Variants in CACNA1C observed in about 807,000 individuals in gnomAD.
CACNA1C encodes voltage-dependent L-type calcium channel subunit alpha-1C.
CACNA1C carries 30 observed loss-of-function variants against 229.0 expected under a neutral mutation model. That is an observed-to-expected ratio of 0.13 (90% confidence interval 0.10 to 0.18). The LOEUF (loss-of-function observed/expected upper bound fraction) is 0.18. Among genes scored for constraint, CACNA1C ranks in the 10% least tolerant of loss-of-function variants. The pLI, the probability that CACNA1C is intolerant of heterozygous loss-of-function variation, is 1.00. For synonymous variants in CACNA1C, 1,114 were observed against 1,132.5 expected (o/e 0.98, Z 0.33); for missense variants, 1,658 against 2,845.0 (o/e 0.58, Z 9.49).
chr12:2,313,754 G>C (rs1428225054), intron 3 of CACNA1C, among the ~76,000 whole-genome samples: 1 of 152,174 alleles, frequency 6.6e-6, no homozygotes, highest in Non-Finnish European at 1.5e-5. Flanking sequence ...GGTCTTTCTT[G>C]GTGAAGCAGC....
intron 3 of CACNA1C, among the ~76,000 whole-genome samples, chr12:2,302,386 G>T (rs1216090637): frequency 6.6e-6 from 1 of 151,868 alleles, no homozygotes; most frequent in Non-Finnish European, 1.5e-5. Flanking sequence ...CAAGTGCTGA[G>T]AATGCCAAGG....
Position 2,029,789 on chromosome 12 carries a change from G to A in CACNA1C, c.139+58588G>A, listed in dbSNP as rs756006561. On this transcript the variant is annotated intron_variant, in intron 1 of 46. Transcript: ENST00000682462. This position sits in a 1 kb window ranked among gnomAD's most constrained non-coding sequence, Gnocchi z 4.9. ...ATTATTTACAGAAAACTTGTTTCTGGTTTCTCGGGTCAGGAGACCAACAGC... is the reference window on the plus strand; with the variant it reads ...ATTATTTACAGAAAACTTGTTTCTGATTTCTCGGGTCAGGAGACCAACAGC... Among the ~76,000 whole-genome samples the A allele has an allele frequency of 6.6e-6, 1 of 152,170 alleles. No homozygotes were observed. The highest frequency in any genetic ancestry group is 1.5e-5 in the Non-Finnish European group (1 of 68,034).
intron 3 of CACNA1C, among the ~76,000 whole-genome samples, chr12:2,124,109 CGTGTGTGTGTGTGT>C (rs36202591): frequency 1.6e-3 from 238 of 145,616 alleles, no homozygotes; most frequent in African/African-American, 4.1e-3. Flanking sequence ...TGGTCTAGCT[CGTGTGTGTGTGTGT>C]GTGTGTGTGT....
chr12:1,982,199 AT>A (rs1391589938), intron 1 of CACNA1C, among the ~76,000 whole-genome samples: 4 of 152,078 alleles, frequency 2.6e-5, no homozygotes, highest in Admixed American at 2.0e-4. Flanking sequence ...ATTTGCTAGT[AT>A]TTTTTCCTTT....
chr12:2,650,609 A>G (rs2094851194), intron 31 of CACNA1C, among the ~76,000 whole-genome samples: 1 of 152,162 alleles, frequency 6.6e-6, no homozygotes. Flanking sequence ...AGGAGGGCCA[A>G]GTGGGGAGTC....
chr12:2,653,605 C>T lies in CACNA1C; in HGVS notation c.4075-230C>T, dbSNP rs574900009. 1.4e-4 allele frequency among the ~76,000 whole-genome samples: 22 copies of T among 152,282 alleles called. No homozygotes were observed. In the South Asian group the frequency reaches 4.1e-3, roughly 29 times the overall value. On this transcript the variant is annotated intron_variant, in intron 32 of 46. Transcript: ENST00000399655. The surrounding 1 kb of genome is among the most constrained non-coding windows in gnomAD (Gnocchi z 4.7). ...TTGCCCAGGTAGTGTCGCACTATATCGTTACTCTGCGGCCTGCTTTGAAAA... is the reference window on the plus strand; with the variant it reads ...TTGCCCAGGTAGTGTCGCACTATATTGTTACTCTGCGGCCTGCTTTGAAAA...
chr12:2,177,655 T>TC (rs1410634119), intron 3 of CACNA1C, among the ~76,000 whole-genome samples: 2 of 135,264 alleles, frequency 1.5e-5, no homozygotes, highest in Non-Finnish European at 3.2e-5. Flanking sequence ...TTTCTTTCTT[T>TC]TTCTTTCTTC....
chr12:2,100,243 C>G (rs1232141339), intron 1 of CACNA1C, among the ~76,000 whole-genome samples: 1 of 151,684 alleles, frequency 6.6e-6, no homozygotes, highest in African/African-American at 2.4e-5. Flanking sequence ...GTCAGGACTT[C>G]GAGACCAGCC....
intron 5 of CACNA1C, among the ~76,000 whole-genome samples, chr12:2,470,571 A>G (rs1164375101): frequency 1.3e-5 from 2 of 152,182 alleles, no homozygotes; most frequent in Non-Finnish European, 2.9e-5. Context: ...GAATCCCACT[A>G]CCTAGGTTCA....
chr12:2,014,898 C>T (rs1020870046), intron 1 of CACNA1C, among the ~76,000 whole-genome samples: 6 of 152,212 alleles, frequency 3.9e-5, no homozygotes, highest in African/African-American at 1.2e-4. Flanking sequence ...GACTCAGAGC[C>T]TCCCAAGAGC....
intron 25 of CACNA1C, 59 bp downstream of exon 25, chr12:2,606,722 G>T: frequency 6.8e-7 from 1 of 1,469,654 alleles, no homozygotes; most frequent in Non-Finnish European, 9.4e-7. Flanking sequence ...GAGGCTGGAG[G>T]CTTGACCAGA....
At position 2,094,735 on chromosome 12, in the gene CACNA1C, G is replaced by A. The variant is rs1016126908; in HGVS notation, c.50-20489G>A. Among the ~76,000 whole-genome samples, 11 of 152,134 alleles carry A rather than the reference G, an allele frequency of 7.2e-5. 1 individual carries two copies. Among genetic ancestry groups the A allele is most frequent in the Admixed American group, 7.2e-4 (11 of 15,292 alleles). ...AAAAAGTGACTCAAGAGGGAGAGCC[G>A]ACCAGGAAGTGGGAGTGGCTGGGAC... On this transcript the variant is annotated intron_variant, in intron 1 of 46. Transcript: ENST00000399655.
chr12:2,025,066 T>C (rs1357789204), intron 1 of CACNA1C, among the ~76,000 whole-genome samples: 2 of 152,212 alleles, frequency 1.3e-5, no homozygotes, highest in African/African-American at 2.4e-5. Flanking sequence ...CACTTATTTC[T>C]GGGGAAGGCA....
chr12:2,352,425 A>C (rs1324907995), intron 3 of CACNA1C, among the ~76,000 whole-genome samples: 1 of 152,226 alleles, frequency 6.6e-6, no homozygotes, highest in Non-Finnish European at 1.5e-5. Flanking sequence ...TGTGGGTTGC[A>C]GGAAGATTTG....
At chr12:2,491,082 C>T (rs372781027) in intron 6 of CACNA1C, among the ~76,000 whole-genome samples, 157 of 152,250 alleles carry the variant, frequency 1.0e-3, no homozygotes, top group African/African-American at 3.5e-3. Flanking sequence ...TGCAGCAGCA[C>T]GGATGAAACT....
chr12:2,266,076 C>T (rs896841695), intron 3 of CACNA1C, among the ~76,000 whole-genome samples: 1 of 152,216 alleles, frequency 6.6e-6, no homozygotes, highest in African/African-American at 2.4e-5. Flanking sequence ...TATCAAAGAG[C>T]TCAGAAACTC....
intron 1 of CACNA1C, among the ~76,000 whole-genome samples, chr12:2,081,306 C>T (rs981950079): frequency 5.9e-5 from 9 of 152,166 alleles, no homozygotes; most frequent in African/African-American, 1.7e-4. Flanking sequence ...TGCGGTGGCT[C>T]ACGCCTGTAA....
chr12:2,088,517 T>G (rs1003412050), intron 1 of CACNA1C, among the ~76,000 whole-genome samples: 3 of 152,302 alleles, frequency 2.0e-5, no homozygotes, highest in Middle Eastern at 3.4e-3. Flanking sequence ...AATGCCTACC[T>G]TATGGGGGTG....
chr12:2,321,116 GC>G (rs1181789776), intron 3 of CACNA1C, among the ~76,000 whole-genome samples: 1 of 152,200 alleles, frequency 6.6e-6, no homozygotes, highest in Non-Finnish European at 1.5e-5. Context: ...GAGGCTGTCT[GC>G]TTGGGCTCAG....
Sources: gnomAD v4.1 joint callset for allele counts (sites outside exome capture counted in the v4.1 genomes callset) on GRCh38, gnomAD v4.1.1 for gene constraint, Gnocchi (gnomAD v3.1) non-coding constraint, MANE v1.5 for transcripts, NCBI Gene and HGNC (gene_info 2026-07-23, HGNC 2026-07-21) for gene names.